Variants in QKI observed in about 807,000 individuals in gnomAD.
QKI encodes the protein KH domain-containing RNA-binding protein QKI.
A neutral mutation model predicts 39.0 loss-of-function variants in QKI; 10 were observed. That is an observed-to-expected ratio of 0.26 (90% CI 0.16 to 0.43). The LOEUF is 0.43. Among genes scored for constraint, QKI ranks in the 20% least tolerant of loss-of-function variants. The probability of loss-of-function intolerance (pLI) is 1.00; values close to 1 mark genes in which losing one functional copy is unlikely to be tolerated. For synonymous variants in QKI, 204 were observed against 155.4 expected, an observed-to-expected ratio of 1.31 and a Z score of -2.33; for missense variants, 218 against 428.0, an observed-to-expected ratio of 0.51 and a Z score of 4.33.
intron 6 of QKI, chr6:163,565,662 CT>C: frequency 9.2e-7 from 1 of 1,083,376 alleles, no homozygotes; most frequent in South Asian, 4.2e-5. Flanking sequence ...ATGAAAAAAT[CT>C]ATTATGGTTA....
At chr6:163,451,670 A>T (rs1583012645) in intron 1 of QKI, among the ~76,000 whole-genome samples, 1 of 152,298 alleles carries the variant, frequency 6.6e-6, no homozygotes, top group Middle Eastern at 3.4e-3. Context: ...ATGCGTGATT[A>T]AGCAAACGGT....
At chr6:163,446,757 A>G (rs1790185147) in intron 1 of QKI, among the ~76,000 whole-genome samples, 1 of 152,206 alleles carries the variant, frequency 6.6e-6, no homozygotes, top group Admixed American at 6.5e-5. Context: ...CTATCCAATT[A>G]AGTAACTGGT....
intron 1 of QKI, among the ~76,000 whole-genome samples, chr6:163,441,087 C>G (rs1789729616): frequency 6.6e-6 from 1 of 152,100 alleles, no homozygotes; most frequent in Non-Finnish European, 1.5e-5. Context: ...TCCTTTTGTG[C>G]AATCCTGGCA....
chr6:163,456,416 T>C (rs1425869848), intron 2 of QKI, among the ~76,000 whole-genome samples: 1 of 152,152 alleles, frequency 6.6e-6, no homozygotes, highest in Non-Finnish European at 1.5e-5. Context: ...ACAATACTTG[T>C]TGAATGAACC....
intron 7 of QKI, chr6:163,569,464 C>G (rs1361531776): frequency 7.8e-7 from 1 of 1,279,938 alleles, no homozygotes. Flanking sequence ...ACAGAAAATT[C>G]TATCAAACCT....
intron 3 of QKI, among the ~76,000 whole-genome samples, chr6:163,527,532 G>A (rs2321702): frequency 0.79 from 119,596 of 151,966 alleles, 47,208 homozygotes; most frequent in East Asian, 1. Flanking sequence ...GCATAATTAA[G>A]AGAGTCTGTC....
chr6:163,538,163 A>G (rs1781313378), intron 4 of QKI, among the ~76,000 whole-genome samples: 1 of 152,204 alleles, frequency 6.6e-6, no homozygotes, highest in East Asian at 1.9e-4. Context: ...TGTAGGTTAG[A>G]CACTGTGACA....
chr6:163,517,081 T>TTTCTC (rs1779865431), intron 3 of QKI, among the ~76,000 whole-genome samples: 1 of 97,674 alleles, frequency 1.0e-5, no homozygotes, highest in African/African-American at 6.3e-5. Flanking sequence ...CTCTCTCTCT[T>TTTCTC]TCTCTCTCTC....
At chr6:163,445,615 CTTTTTTTTT>C (rs771151149) in intron 1 of QKI, among the ~76,000 whole-genome samples, 7 of 135,334 alleles carry the variant, frequency 5.2e-5, no homozygotes, top group Admixed American at 4.5e-4. Flanking sequence ...GAGTATATGT[CTTTTTTTTT>C]TTTTTTTTTA....
intron 4 of QKI, among the ~76,000 whole-genome samples, chr6:163,560,527 G>GGC (rs1294834682): frequency 6.6e-6 from 1 of 152,082 alleles, no homozygotes; most frequent in African/African-American, 2.4e-5. Context: ...AAGAGAGAGG[G>GGC]GCAGAGAGTG....
At chr6:163,555,658 A>G (rs956423584) in intron 4 of QKI, among the ~76,000 whole-genome samples, 1 of 152,054 alleles carries the variant, frequency 6.6e-6, no homozygotes, top group African/African-American at 2.4e-5. Flanking sequence ...GATTTTGACT[A>G]ATGCAAAACA....
At chr6:163,506,915 T>A (rs1370266554) in intron 3 of QKI, among the ~76,000 whole-genome samples, 8 of 152,140 alleles carry the variant, frequency 5.3e-5, no homozygotes, top group African/African-American at 1.9e-4. Context: ...CACCCACCAA[T>A]GGCAACTTTG....
chr6:163,475,272 C>G (rs1792498846), intron 2 of QKI, among the ~76,000 whole-genome samples: 1 of 152,098 alleles, frequency 6.6e-6, no homozygotes, highest in South Asian at 2.1e-4. Context: ...TGGATTCAAC[C>G]AACCTAGGAT....
At chr6:163,461,865 C>T (rs1471052738) in intron 2 of QKI, among the ~76,000 whole-genome samples, 1 of 152,176 alleles carries the variant, frequency 6.6e-6, no homozygotes, top group Non-Finnish European at 1.5e-5. Flanking sequence ...GGCTATGAAG[C>T]AGTCAAAGGT....
intron 4 of QKI, 92 bp from the exon 5 acceptor site, chr6:163,561,890 A>G (rs1783042973): frequency 1.2e-5 from 11 of 944,062 alleles, no homozygotes; most frequent in Non-Finnish European, 1.7e-5. Context: ...CTGTAGTCAC[A>G]TGATACTTAC....
At chr6:163,551,328 C>G (rs1251100263) in intron 4 of QKI, among the ~76,000 whole-genome samples, 1 of 152,148 alleles carries the variant, frequency 6.6e-6, no homozygotes, top group Non-Finnish European at 1.5e-5. Flanking sequence ...CCTTAGGTCC[C>G]ACAGGTTGAG....
At chr6:163,519,430 A>G (rs1413562978) in intron 3 of QKI, among the ~76,000 whole-genome samples, 3 of 151,958 alleles carry the variant, frequency 2.0e-5, no homozygotes, top group African/African-American at 7.3e-5. Flanking sequence ...AGTGGGTGTG[A>G]TGATATTTTT....
intron 3 of QKI, among the ~76,000 whole-genome samples, chr6:163,505,226 C>T (rs1448213130): frequency 1.3e-5 from 2 of 152,126 alleles, no homozygotes; most frequent in Non-Finnish European, 1.5e-5. Flanking sequence ...GCTGCAGGGG[C>T]GGACCCCTCA....
At chr6:163,553,303 A>AT in intron 4 of QKI, among the ~76,000 whole-genome samples, 1 of 151,984 alleles carries the variant, frequency 6.6e-6, no homozygotes. Context: ...GGGTTTCACC[A>AT]TGTTGGTCAG....
Sources: gnomAD v4.1 joint callset for allele counts (sites outside exome capture counted in the v4.1 genomes callset) on GRCh38, gnomAD v4.1.1 for gene constraint, MANE v1.5 for transcripts, NCBI Gene and HGNC (gene_info 2026-07-23, HGNC 2026-07-21) for gene names.